CASP8: variants seen among roughly 807,000 people sequenced by gnomAD.
CASP8 encodes the protein caspase-8.
Under a neutral mutation model 46.3 loss-of-function variants are expected in CASP8, and 24 were observed. The observed-to-expected ratio is 0.52, with a 90% CI of 0.38 to 0.73. The LOEUF is 0.73. Among genes scored for constraint, CASP8 ranks in the 30% least tolerant of loss-of-function variants. The pLI, the probability that CASP8 is intolerant of heterozygous loss-of-function variation, is 0.00. For missense variants in CASP8, 460 were observed against 559.0 expected (o/e 0.82, Z 1.79); for synonymous variants, 188 against 200.4 (o/e 0.94, Z 0.52).
intron 7 of CASP8, among the ~76,000 whole-genome samples, chr2:201,283,780 T>C (rs1374704887): frequency 2.1e-5 from 1 of 47,420 alleles, no homozygotes; most frequent in Non-Finnish European, 5.2e-5. Flanking sequence ...GAGGAGCCCC[T>C]CACCTCCCGG....
chr2:201,287,101 C>A lies in CASP8; in HGVS notation c.*507C>A. ...TGTTTTTAGCTGGTGGCAATAAATA[C>A]CAGACACGTACAAAATCCAGCTATG... On this transcript the variant is annotated 3_prime_UTR_variant, in exon 9 of 9. Coordinates refer to ENST00000673742, the MANE Select transcript of CASP8 (RefSeq NM_001372051.1). The A allele has an allele frequency of 5.7e-6, 1 of 174,612 alleles. No individual in the cohort carries two copies. The highest frequency in any genetic ancestry group is 1.3e-5 in the Non-Finnish European group (1 of 79,620). 10.8% of individuals were successfully genotyped at this position (174,612 alleles called of 1,614,324 possible).
intron 2 of CASP8, among the ~76,000 whole-genome samples, chr2:201,244,018 A>C (rs6745051): frequency 0.52 from 78,574 of 151,954 alleles, 20,911 homozygotes; most frequent in African/African-American, 0.61. Context: ...AATAATTCCT[A>C]AACTCCATCC....
chr2:201,283,702 C>T (rs1174300387), intron 7 of CASP8, among the ~76,000 whole-genome samples: 3 of 92,468 alleles, frequency 3.2e-5, no homozygotes, highest in Admixed American at 2.6e-4. Context: ...CCCCCCCCGC[C>T]TCCCTCCCGG....
At chr2:201,244,810 T>C (rs574854625) in intron 2 of CASP8, among the ~76,000 whole-genome samples, 3 of 152,288 alleles carry the variant, frequency 2.0e-5, no homozygotes, top group African/African-American at 7.2e-5. Context: ...TAGAAAGGAA[T>C]TGAAGGGGGT....
chr2:201,284,511 C>CAA (rs1179187579), intron 7 of CASP8, among the ~76,000 whole-genome samples: 211 of 50,618 alleles, frequency 4.2e-3, no homozygotes, highest in African/African-American at 0.014. Flanking sequence ...CCATCTCCAC[C>CAA]AAAAAAAAAA....
At chr2:201,236,488 T>G (rs771078231) in intron 2 of CASP8, among the ~76,000 whole-genome samples, 8 of 152,192 alleles carry the variant, frequency 5.3e-5, no homozygotes, top group Non-Finnish European at 8.8e-5. Flanking sequence ...CCATCGGTAT[T>G]TTGTGTTAGT....
At chr2:201,269,592 C>A in intron 2 of CASP8, 1 of 1,611,666 alleles carries the variant, frequency 6.2e-7, no homozygotes, top group Non-Finnish European at 8.5e-7. Flanking sequence ...GAGGGTCGAT[C>A]ATCTATTAAT....
intron 2 of CASP8, among the ~76,000 whole-genome samples, chr2:201,252,034 T>C (rs1449094722): frequency 6.6e-6 from 1 of 152,188 alleles, no homozygotes; most frequent in Admixed American, 6.5e-5. Context: ...GTGGTGTCAG[T>C]GTTTCGGATT....
At chr2:201,256,051 C>T (rs1176344373), upstream of CASP8, among the ~76,000 whole-genome samples, 1 of 152,220 alleles carries the variant, frequency 6.6e-6, no homozygotes, top group African/African-American at 2.4e-5. Flanking sequence ...AGCCACTGCA[C>T]CCACAGCCTA....
rs150683783 is a variant in CASP8 at position 201,251,188 on chromosome 2, A to G, written c.-26-15273A>G. On this transcript the variant is annotated intron_variant, in intron 2 of 6. Transcript: ENST00000264274. ...ATCTTGGTTGCTTCCAACTTTTGGC[A>G]GTTATGAATTATGAATAAAGCTGGT... Among the ~76,000 whole-genome samples the G allele has an allele frequency of 5.3e-5, 8 of 152,362 alleles. No individual in the cohort carries two copies. The East Asian group carries it at 1.5e-3, about 29-fold the overall frequency.
At position 201,287,248 on chromosome 2, in the gene CASP8, A is replaced by C. The variant is rs1360817876; in HGVS notation, c.*654A>C. On this transcript the variant is annotated 3_prime_UTR_variant, in exon 9 of 9. Transcript: ENST00000673742. ...CACTACCACATTAAAAAAATTAGAA[A>C]GTAGCCACGTATGGTGGCTCATGTC... The C allele has an allele frequency of 6.5e-6, 1 of 153,706 alleles. No homozygotes were observed. Among genetic ancestry groups the C allele is most frequent in the East Asian group, 1.9e-4 (1 of 5,212 alleles). 9.5% of individuals were successfully genotyped at this position (153,706 alleles called of 1,614,324 possible). A position where few individuals can be genotyped will look rare whatever the true frequency, so the allele number is the denominator to read the frequency against.
intron 5 of CASP8, among the ~76,000 whole-genome samples, chr2:201,273,735 T>C (rs7578639): frequency 0.17 from 26,238 of 151,896 alleles, 4,147 homozygotes; most frequent in South Asian, 0.42. Flanking sequence ...AATGCAGTGA[T>C]GCAATCTTGG....
At chr2:201,249,321 G>A (rs781595650) in intron 2 of CASP8, among the ~76,000 whole-genome samples, 1 of 152,146 alleles carries the variant, frequency 6.6e-6, no homozygotes. Context: ...CTATAAAGAC[G>A]ATCCTTTTTT....
Position 201,269,538 on chromosome 2 carries a change from GA to G in CASP8, c.306-1976del. On this transcript the variant is annotated intron_variant, in intron 2 of 8. Transcript: ENST00000673742. ...CCACTTCTGCCGCATGAGCTGGGCT[GA>G]AGCAAACAGCCAGTGCCAGACACAG... The G allele has an allele frequency of 4.3e-6, 7 of 1,613,698 alleles. No individual in the cohort carries two copies. The highest frequency in any genetic ancestry group is 5.9e-6 in the Non-Finnish European group (7 of 1,179,806).
At chr2:201,258,335 G>A (rs2125047594), upstream of CASP8, 1 of 1,614,082 alleles carries the variant, frequency 6.2e-7, no homozygotes, top group Non-Finnish European at 8.5e-7. Context: ...GAGTTAGGCA[G>A]GTTAGGGGAC....
At chr2:201,260,153 A>T (rs1559343037), upstream of CASP8, among the ~76,000 whole-genome samples, 1 of 152,096 alleles carries the variant, frequency 6.6e-6, no homozygotes. Context: ...GACCTCTCTG[A>T]GGTGCTCCAT....
chr2:201,235,834 C>T (rs1384788235), intron 2 of CASP8, among the ~76,000 whole-genome samples: 2 of 152,082 alleles, frequency 1.3e-5, no homozygotes, highest in African/African-American at 4.8e-5. Context: ...TTTACTGTAC[C>T]ATTTCTATGT....
In CASP8 at chr2:201,271,500, C is replaced by G. The variant is rs369032083; in HGVS notation, c.306-16C>G. 3 of 1,446,076 alleles carry G rather than the reference C, an allele frequency of 2.1e-6. No homozygotes were observed. The African/African-American group carries it at 4.2e-5, about 20-fold the overall frequency. The allele number at this position is 1,446,076 out of a possible 1,614,324, so 89.6% of individuals were successfully genotyped here. On this transcript the variant is annotated splice_polypyrimidine_tract_variant and intron_variant, in intron 2 of 8. Coordinates refer to ENST00000673742, the MANE Select transcript of CASP8 (RefSeq NM_001372051.1). ...TTGGGAAAAGATTTCTAAAGTGTCTCCATTTCCCACCACAGGGTCATGCTC... is the reference window on the plus strand; with the variant it reads ...TTGGGAAAAGATTTCTAAAGTGTCTGCATTTCCCACCACAGGGTCATGCTC...
At chr2:201,244,385 A>G (rs528541025) in intron 2 of CASP8, among the ~76,000 whole-genome samples, 1 of 152,336 alleles carries the variant, frequency 6.6e-6, no homozygotes, top group Admixed American at 6.5e-5. Flanking sequence ...TCTATTCTGT[A>G]GGAGAGAGAG....
Sources: allele counts gnomAD v4.1 joint callset (sites outside exome capture counted in the v4.1 genomes callset), GRCh38; gene constraint gnomAD v4.1.1; transcripts MANE v1.5; gene names NCBI Gene and HGNC (gene_info 2026-07-23, HGNC 2026-07-21).